ROBO2: variants seen among roughly 807,000 people sequenced by gnomAD.
ROBO2 encodes the protein roundabout homolog 2.
Under a neutral mutation model 160.8 loss-of-function variants are expected in ROBO2, and 53 were observed. The ratio of observed to expected loss-of-function variants is 0.33; its 90% confidence interval spans 0.26 to 0.41. ROBO2 has a LOEUF of 0.41. Ranked by LOEUF, ROBO2 falls within the 10% of genes least tolerant of loss-of-function variation. ROBO2 has a pLI of 1.00. For synonymous variants in ROBO2, 664 were observed against 611.7 expected, an observed-to-expected ratio of 1.09 and a Z score of -1.26; for missense variants, 1,577 against 1,722.4, an observed-to-expected ratio of 0.92 and a Z score of 1.49.
chr3:77,050,377 C>G (rs1215952993), intron 1 of ROBO2, among the ~76,000 whole-genome samples: 4 of 152,116 alleles, frequency 2.6e-5, no homozygotes, highest in Non-Finnish European at 5.9e-5. Flanking sequence ...AGCTATTACT[C>G]AAACGCCAAT....
chr3:76,922,380 CAA>C (rs1404283821), intron 2 of ROBO2, among the ~76,000 whole-genome samples: 3 of 152,258 alleles, frequency 2.0e-5, no homozygotes, highest in African/African-American at 7.2e-5. Context: ...TCGGGTAATT[CAA>C]AATCTACCCT....
intron 2 of ROBO2, among the ~76,000 whole-genome samples, chr3:76,377,502 C>T (rs2076404851): frequency 6.6e-6 from 1 of 152,156 alleles, no homozygotes; most frequent in Non-Finnish European, 1.5e-5. Context: ...CTGAGGAAAA[C>T]TGAAGTGATG....
At chr3:77,327,347 G>T (rs762873177) in intron 2 of ROBO2, among the ~76,000 whole-genome samples, 12 of 152,118 alleles carry the variant, frequency 7.9e-5, no homozygotes, top group Non-Finnish European at 1.5e-4. Context: ...TTCGAGGGTC[G>T]GAGAAACTGA....
intron 2 of ROBO2, among the ~76,000 whole-genome samples, chr3:76,097,373 C>A (rs1457458073): frequency 6.6e-6 from 1 of 152,136 alleles, no homozygotes; most frequent in Non-Finnish European, 1.5e-5. Flanking sequence ...GCAGCAGGGG[C>A]TCCTGCTGAG....
chr3:77,183,303 G>T (rs556961981), intron 2 of ROBO2, among the ~76,000 whole-genome samples: 2 of 151,944 alleles, frequency 1.3e-5, no homozygotes, highest in South Asian at 2.1e-4. Context: ...TGCCTGGGTG[G>T]TCTATAATAC....
At chr3:77,419,461 C>T (rs576798381) in intron 2 of ROBO2, among the ~76,000 whole-genome samples, 3 of 151,990 alleles carry the variant, frequency 2.0e-5, no homozygotes, top group African/African-American at 4.8e-5. Flanking sequence ...AACATGAGGA[C>T]ATATATTACT....
At chr3:75,997,229 A>G (rs1016370012) in intron 2 of ROBO2, among the ~76,000 whole-genome samples, 3 of 152,172 alleles carry the variant, frequency 2.0e-5, no homozygotes, top group Admixed American at 6.5e-5. Context: ...GATTCACTCA[A>G]TTATATCCTC....
rs371339766 is a variant in ROBO2, at chr3:76,878,854, A to G, written c.110-219160A>G. ...CTGCATTTTAATAATGCAAAAACAA[A>G]CAGGGTTAATGTTCATTTTAATCTC... is the stretch of plus-strand genomic sequence containing the variant. On this transcript the variant is annotated intron_variant, in intron 2 of 26. Transcript: ENST00000487694. Among the ~76,000 whole-genome samples, 12 of 152,228 alleles carry G rather than the reference A, an allele frequency of 7.9e-5. No individual in the cohort carries two copies. The East Asian group carries it at 2.1e-3, about 27-fold the overall frequency.
chr3:77,451,989 A>C (rs1374588975), intron 2 of ROBO2, among the ~76,000 whole-genome samples: 3 of 151,938 alleles, frequency 2.0e-5, no homozygotes, highest in Non-Finnish European at 4.4e-5. Flanking sequence ...TTCATTGTTC[A>C]ATTCCTACCT....
intron 2 of ROBO2, among the ~76,000 whole-genome samples, chr3:77,014,132 T>A (rs1342887061): frequency 6.6e-6 from 1 of 151,980 alleles, no homozygotes; most frequent in Non-Finnish European, 1.5e-5. Context: ...TTGTGTGAAA[T>A]CTCATTTTCT....
chr3:76,524,488 A>AT (rs993349767), intron 2 of ROBO2, among the ~76,000 whole-genome samples: 1 of 151,870 alleles, frequency 6.6e-6, no homozygotes, highest in Admixed American at 6.6e-5. Flanking sequence ...GAGGGCGACA[A>AT]TTTTTAAGCA....
chr3:77,227,346 C>T (rs1359226106), intron 2 of ROBO2, among the ~76,000 whole-genome samples: 1 of 152,070 alleles, frequency 6.6e-6, no homozygotes, highest in Non-Finnish European at 1.5e-5. Context: ...CTTTTACCTC[C>T]AATTCCATTT....
intron 2 of ROBO2, among the ~76,000 whole-genome samples, chr3:76,680,773 T>A (rs2106915302): frequency 6.6e-6 from 1 of 152,220 alleles, no homozygotes; most frequent in African/African-American, 2.4e-5. Flanking sequence ...TATTTTATTT[T>A]TATTTTTATT....
intron 2 of ROBO2, among the ~76,000 whole-genome samples, chr3:76,719,022 CT>C (rs992623283): frequency 1.3e-5 from 2 of 151,962 alleles, no homozygotes; most frequent in Non-Finnish European, 2.9e-5. Context: ...ATTCCTTTAA[CT>C]TTTTTTTAAA....
At chr3:76,614,333 G>A (rs529949254) in intron 2 of ROBO2, among the ~76,000 whole-genome samples, 2 of 151,946 alleles carry the variant, frequency 1.3e-5, no homozygotes, top group South Asian at 4.1e-4. Flanking sequence ...TCGAGCACTG[G>A]AAAGTCCTTT....
chr3:76,384,599 G>A (rs146308499), intron 2 of ROBO2, among the ~76,000 whole-genome samples: 1 of 152,136 alleles, frequency 6.6e-6, no homozygotes, highest in South Asian at 2.1e-4. Flanking sequence ...AAAGGAAAGA[G>A]GTTTAACTGA....
At chr3:75,990,055 A>C (rs1204086737) in intron 2 of ROBO2, among the ~76,000 whole-genome samples, 4 of 152,224 alleles carry the variant, frequency 2.6e-5, no homozygotes, top group African/African-American at 7.2e-5. Flanking sequence ...AACCATTGTT[A>C]AAATCCTTTT....
intron 6 of ROBO2, among the ~76,000 whole-genome samples, chr3:77,539,440 T>C (rs1231524004): frequency 6.6e-6 from 1 of 152,198 alleles, no homozygotes; most frequent in Non-Finnish European, 1.5e-5. Context: ...TTAGTTTTTT[T>C]TCAAATCACA....
At chr3:76,389,892 T>G (rs1188476757) in intron 2 of ROBO2, among the ~76,000 whole-genome samples, 1 of 152,202 alleles carries the variant, frequency 6.6e-6, no homozygotes, top group Non-Finnish European at 1.5e-5. Flanking sequence ...TGTTACCGTT[T>G]GCATCTTACC....
Sources: allele counts gnomAD v4.1 joint callset (sites outside exome capture counted in the v4.1 genomes callset), GRCh38; gene constraint gnomAD v4.1.1; transcripts MANE v1.5; gene names NCBI Gene and HGNC (gene_info 2026-07-23, HGNC 2026-07-21).